Variants in RIMS1 observed in about 807,000 individuals in gnomAD.
The protein encoded by RIMS1 is regulating synaptic membrane exocytosis 1.
A neutral mutation model predicts 214.1 loss-of-function variants in RIMS1; 83 were observed. The ratio of observed to expected loss-of-function variants is 0.39; its 90% confidence interval spans 0.32 to 0.47. RIMS1 has a LOEUF of 0.47. Among genes scored for constraint, RIMS1 ranks in the 20% least tolerant of loss-of-function variants. The probability of loss-of-function intolerance (pLI) is 0.99; values close to 1 mark genes in which losing one functional copy is unlikely to be tolerated. For missense variants in RIMS1, 2,050 were observed against 2,161.8 expected (o/e 0.95, Z 1.03); for synonymous variants, 793 against 786.8 (o/e 1.01, Z -0.13).
At chr6:71,975,859 A>C (rs1355535797) in intron 2 of RIMS1, among the ~76,000 whole-genome samples, 1 of 152,120 alleles carries the variant, frequency 6.6e-6, no homozygotes, top group East Asian at 1.9e-4. Flanking sequence ...TTCATTTAGC[A>C]TAATGTTTTC....
intron 4 of RIMS1, among the ~76,000 whole-genome samples, chr6:72,168,575 T>C (rs1334508368): frequency 6.6e-6 from 1 of 152,074 alleles, no homozygotes; most frequent in African/African-American, 2.4e-5. Flanking sequence ...CTCACTTGAG[T>C]TGTTCTTCCT....
intron 30 of RIMS1, among the ~76,000 whole-genome samples, chr6:72,391,602 T>G (rs2098703950): frequency 6.6e-6 from 1 of 152,230 alleles, no homozygotes; most frequent in African/African-American, 2.4e-5. Flanking sequence ...ACTGGAATTT[T>G]TCTATATTGT....
At chr6:72,342,626 GGTGT>G (rs113847815) in intron 29 of RIMS1, among the ~76,000 whole-genome samples, 42,741 of 145,818 alleles carry the variant, frequency 0.29, 7,029 homozygotes, top group South Asian at 0.41. Context: ...GAGTAAGATG[GGTGT>G]GTGTGTGTGT....
At position 71,948,092 on chromosome 6, in the gene RIMS1, G is replaced by T. The variant is rs181780818; in HGVS notation, c.165-20891G>T. Among the ~76,000 whole-genome samples the T allele has an allele frequency of 9.9e-5, 15 of 152,138 alleles. No individual in the cohort carries two copies. The East Asian group carries it at 2.9e-3, about 29-fold the overall frequency. On this transcript the variant is annotated intron_variant, in intron 1 of 33. Transcript: ENST00000521978. ...GGATTAATTTCATGAGACATCAATT[G>T]AAATCAATATTATTAGCAAAGAGTC...
At chr6:71,995,086 A>G (rs1802981760) in intron 2 of RIMS1, among the ~76,000 whole-genome samples, 1 of 108,360 alleles carries the variant, frequency 9.2e-6, no homozygotes, top group South Asian at 2.8e-4. Flanking sequence ...TCTTTCTATC[A>G]TGAAGGGTGA....
intron 19 of RIMS1, chr6:72,262,645 A>G: frequency 1.1e-6 from 1 of 891,374 alleles, no homozygotes. Context: ...ATTTATAAAA[A>G]CATTAATTTA....
chr6:72,105,768 A>G (rs2034620647), intron 4 of RIMS1, among the ~76,000 whole-genome samples: 1 of 152,144 alleles, frequency 6.6e-6, no homozygotes, highest in African/African-American at 2.4e-5. Flanking sequence ...ATTCCCTCAG[A>G]TTTCCCCTTA....
rs373185115 is a variant in RIMS1, at chr6:72,304,720, A to T, written c.3851-2538A>T. Among the ~76,000 whole-genome samples, 5 of 152,096 alleles carry T rather than the reference A, an allele frequency of 3.3e-5. No individual in the cohort carries two copies. In the East Asian group the frequency reaches 5.8e-4, roughly 18 times the overall value. On this transcript the variant is annotated intron_variant, in intron 26 of 33. Coordinates refer to ENST00000521978, the MANE Select transcript of RIMS1 (RefSeq NM_014989.7). Reference sequence around the variant, plus strand: ...AGCACAATAACTTGTATAAACAGTTATTTCAGAATATGCACTAAGGCACAT... The same window carrying T: ...AGCACAATAACTTGTATAAACAGTTTTTTCAGAATATGCACTAAGGCACAT...
At chr6:71,950,925 A>G (rs1789283248) in intron 1 of RIMS1, among the ~76,000 whole-genome samples, 1 of 152,168 alleles carries the variant, frequency 6.6e-6, no homozygotes, top group Admixed American at 6.5e-5. Context: ...TACGTATTTT[A>G]TTGGGCTGCC....
At chr6:72,377,070 C>T (rs926663769) in intron 29 of RIMS1, among the ~76,000 whole-genome samples, 3 of 152,134 alleles carry the variant, frequency 2.0e-5, no homozygotes, top group Admixed American at 6.5e-5. Flanking sequence ...TTTTAGTCTC[C>T]TTCCTTGACA....
intron 2 of RIMS1, among the ~76,000 whole-genome samples, chr6:72,081,262 A>T (rs1371548306): frequency 1.3e-5 from 2 of 152,208 alleles, no homozygotes; most frequent in African/African-American, 2.4e-5. Context: ...GTTGCTCATA[A>T]GTGAAGTATA....
intron 29 of RIMS1, among the ~76,000 whole-genome samples, chr6:72,378,296 C>G (rs990467666): frequency 4.6e-5 from 7 of 152,198 alleles, no homozygotes; most frequent in African/African-American, 1.7e-4. Flanking sequence ...TGCATAGCTT[C>G]TATTCTAAAT....
intron 23 of RIMS1, among the ~76,000 whole-genome samples, chr6:72,283,279 T>A (rs953007989): frequency 1.3e-4 from 20 of 152,152 alleles, no homozygotes; most frequent in African/African-American, 4.8e-4. Flanking sequence ...GAAGACATTT[T>A]AGGCTAATTA....
At chr6:72,108,059 C>T (rs1179143477) in intron 4 of RIMS1, among the ~76,000 whole-genome samples, 1 of 152,106 alleles carries the variant, frequency 6.6e-6, no homozygotes, top group Non-Finnish European at 1.5e-5. Context: ...CATTCTGTTG[C>T]CCAGGCTCTA....
chr6:72,037,910 G>A (rs1055914407), intron 2 of RIMS1, among the ~76,000 whole-genome samples: 11 of 150,600 alleles, frequency 7.3e-5, no homozygotes, highest in Non-Finnish European at 1.5e-4. Context: ...TTAACATTTG[G>A]TATTACTTGG....
intron 4 of RIMS1, among the ~76,000 whole-genome samples, chr6:72,141,595 TAAG>T (rs1562411288): frequency 6.6e-6 from 1 of 151,972 alleles, no homozygotes; most frequent in African/African-American, 2.4e-5. Context: ...TGAAAGAAAA[TAAG>T]GAGAGTCCTA....
At chr6:71,925,573 A>C (rs562908399) in intron 1 of RIMS1, among the ~76,000 whole-genome samples, 1 of 152,334 alleles carries the variant, frequency 6.6e-6, no homozygotes, top group South Asian at 2.1e-4. Flanking sequence ...TATCTATTTG[A>C]TGTGGTATAT....
chr6:72,165,123 T>G (rs1419291773), intron 4 of RIMS1, among the ~76,000 whole-genome samples: 1 of 152,170 alleles, frequency 6.6e-6, no homozygotes, highest in Non-Finnish European at 1.5e-5. Context: ...TTTTATGTGT[T>G]TATTGTAATC....
intron 1 of RIMS1, among the ~76,000 whole-genome samples, chr6:71,888,303 G>A (rs1768467023): frequency 6.6e-6 from 1 of 152,186 alleles, no homozygotes; most frequent in African/African-American, 2.4e-5. Context: ...GAATGTAGGG[G>A]CCCTGACTGT....
Sources: allele counts gnomAD v4.1 joint callset (sites outside exome capture counted in the v4.1 genomes callset), GRCh38; gene constraint gnomAD v4.1.1; transcripts MANE v1.5; gene names NCBI Gene and HGNC (gene_info 2026-07-23, HGNC 2026-07-21).